Variants in CRYBG1 observed in about 807,000 individuals in gnomAD.
The protein encoded by CRYBG1 is crystallin beta-gamma domain containing 1, also known as beta/gamma crystallin domain-containing protein 1.
Under a neutral mutation model 189.2 loss-of-function variants are expected in CRYBG1, and 139 were observed. The ratio of observed to expected loss-of-function variants is 0.73; its 90% confidence interval spans 0.64 to 0.85. The LOEUF (loss-of-function observed/expected upper bound fraction) is 0.85. Among genes scored for constraint, CRYBG1 ranks in the 40% least tolerant of loss-of-function variants. The pLI is 0.00. For missense variants in CRYBG1, 2,611 were observed against 2,675.8 expected, an observed-to-expected ratio of 0.98 and a Z score of 0.53; for synonymous variants, 1,023 against 1,017.1, an observed-to-expected ratio of 1.01 and a Z score of -0.11.
intron 18 of CRYBG1, among the ~76,000 whole-genome samples, chr6:106,559,821 G>T (rs183005340): frequency 6.6e-6 from 1 of 151,998 alleles, no homozygotes; most frequent in Admixed American, 6.6e-5. Context: ...GAAGCTGGGC[G>T]CAGTGACTCA....
At position 106,512,753 on chromosome 6, in the gene CRYBG1, C is replaced by T. The variant is rs1488800762; in HGVS notation, c.1636C>T (p.Pro546Ser). Residue 546 changes from proline (P) to serine (S), a missense_variant, in exon 3 of 22, where the codon CCC (proline) becomes TCC (serine). By Grantham distance (74) the Pro-to-Ser change is moderately conservative. This residue lies in a region of CRYBG1 where 985 missense variants were observed against 924.4 expected (regional missense o/e 1.07). Transcript: ENST00000633556. The stretch of plus-strand genomic sequence containing the variant: ...CAAGGAGTCCCCACCCAAGAGGGTG[C>T]CCGATCCCAGCCCAGTCACCAAGGG... ...PAKESPPKRVPDPSPVTKGTA... is the reference protein window; with the variant it reads ...PAKESPPKRVSDPSPVTKGTA... 1.3e-6 allele frequency: 2 copies of T among 1,572,230 alleles called. No individual in the cohort carries two copies. Among genetic ancestry groups the T allele is most frequent in the Admixed American group, 1.8e-5 (1 of 54,836 alleles).
At chr6:106,500,433 C>CA (rs566538301) in intron 2 of CRYBG1, among the ~76,000 whole-genome samples, 83,545 of 144,714 alleles carry the variant, frequency 0.58, 25,986 homozygotes, top group African/African-American at 0.85. Context: ...AAAAAAAAAA[C>CA]AAAAAAAAAA....
intron 1 of CRYBG1, among the ~76,000 whole-genome samples, chr6:106,394,267 T>C (rs1049976826): frequency 5.3e-5 from 8 of 152,280 alleles, no homozygotes; most frequent in African/African-American, 1.9e-4. Flanking sequence ...TTTCCAAGGG[T>C]TCTGAAGGAA....
intron 1 of CRYBG1, among the ~76,000 whole-genome samples, chr6:106,410,098 G>A (rs1011488228): frequency 4.6e-5 from 7 of 152,118 alleles, no homozygotes; most frequent in Non-Finnish European, 1.0e-4. Flanking sequence ...CCTACAGAAT[G>A]GGAGAAAATT....
At chr6:106,413,820 T>C (rs1224355719) in intron 1 of CRYBG1, among the ~76,000 whole-genome samples, 1 of 152,208 alleles carries the variant, frequency 6.6e-6, no homozygotes, top group Admixed American at 6.5e-5. Context: ...TCTGAAAGTT[T>C]TTATTGCCCT....
At chr6:106,465,387 T>C (rs1422915018) in intron 2 of CRYBG1, among the ~76,000 whole-genome samples, 2 of 152,184 alleles carry the variant, frequency 1.3e-5, no homozygotes, top group Non-Finnish European at 2.9e-5. Context: ...AGCTTTTGTA[T>C]CTATAAAAGA....
intron 1 of CRYBG1, among the ~76,000 whole-genome samples, chr6:106,444,383 A>C (rs1272704789): frequency 6.6e-6 from 1 of 152,202 alleles, no homozygotes; most frequent in Non-Finnish European, 1.5e-5. Context: ...CACGCGTGAA[A>C]CACAATACTC....
At position 106,481,785 on chromosome 6, in the gene CRYBG1, C is replaced by T. The variant is rs117096080; in HGVS notation, c.313-29645C>T. 2.6e-5 allele frequency among the ~76,000 whole-genome samples: 4 copies of T among 152,244 alleles called. No individual in the cohort carries two copies. In the East Asian group the frequency reaches 7.7e-4, roughly 29 times the overall value. On this transcript the variant is annotated intron_variant, in intron 2 of 21. Coordinates refer to ENST00000633556, the MANE Select transcript of CRYBG1 (RefSeq NM_001371242.2). The stretch of plus-strand genomic sequence containing the variant: ...AGGCCGGCCTATCCCTCAGGCCCAT[C>T]AGGGTCCTTGCAGCACAGCCCTCTC...
intron 1 of CRYBG1, among the ~76,000 whole-genome samples, chr6:106,416,130 C>T (rs893911252): frequency 3.3e-5 from 5 of 152,166 alleles, no homozygotes; most frequent in African/African-American, 1.2e-4. Flanking sequence ...CAAAGTTCTC[C>T]TGGCAGGAAG....
rs199973523 is a variant in CRYBG1 at position 106,558,510 on chromosome 6, C to G, written c.5740C>G (p.Leu1914Val). The stretch of plus-strand genomic sequence containing the variant: ...GGAATTTTCTGAACCAACAATTATT[C>G]TCTTTGAAAGAGAAGACTTCAAAGG... ...DVEFSEPTIILFEREDFKGKK... is the reference protein window; with the variant it reads ...DVEFSEPTIIVFEREDFKGKK... The change falls in exon 18 of 22, where the codon CTC becomes GTC. Residue 1914 changes from leucine (L) to valine (V), a missense_variant. Leu to Val is a conservative substitution (Grantham distance 32, BLOSUM62 1). Around this residue, in one of 3 missense-constraint regions of CRYBG1, gnomAD observed 1,622 missense variants for 1,735.0 expected, o/e 0.93. Transcript: ENST00000633556. 2.5e-5 allele frequency: 40 copies of G among 1,602,648 alleles called. No homozygotes were observed. The highest frequency in any genetic ancestry group is 3.0e-5 in the Non-Finnish European group (35 of 1,173,050).
intron 2 of CRYBG1, among the ~76,000 whole-genome samples, chr6:106,500,605 A>G (rs1772987117): frequency 6.6e-6 from 1 of 152,028 alleles, no homozygotes; most frequent in Non-Finnish European, 1.5e-5. Context: ...TTTTCTCCCA[A>G]TCTATAGATT....
intron 13 of CRYBG1, among the ~76,000 whole-genome samples, chr6:106,547,235 C>T (rs1774285801): frequency 6.6e-6 from 1 of 151,888 alleles, no homozygotes; most frequent in East Asian, 1.9e-4. Flanking sequence ...AAATTCTTTG[C>T]ATATGGAAGG....
chr6:106,500,471 T>C (rs1323514615), intron 2 of CRYBG1, among the ~76,000 whole-genome samples: 1 of 152,194 alleles, frequency 6.6e-6, no homozygotes, highest in Non-Finnish European at 1.5e-5. Flanking sequence ...ATGTCTTCTT[T>C]TATGAAATGC....
chr6:106,414,353 T>G (rs1251142912), intron 1 of CRYBG1, among the ~76,000 whole-genome samples: 1 of 152,266 alleles, frequency 6.6e-6, no homozygotes, highest in Non-Finnish European at 1.5e-5. Context: ...GGATTGGCCT[T>G]GGCCAGAGGA....
At chr6:106,394,130 C>T (rs961023739) in intron 1 of CRYBG1, among the ~76,000 whole-genome samples, 1 of 152,190 alleles carries the variant, frequency 6.6e-6, no homozygotes, top group Non-Finnish European at 1.5e-5. Context: ...ATCTAGGCTG[C>T]AAAGCTTTAG....
chr6:106,421,692 A>G (rs1474066898), intron 1 of CRYBG1, among the ~76,000 whole-genome samples: 5 of 151,940 alleles, frequency 3.3e-5, no homozygotes, highest in Admixed American at 3.3e-4. Flanking sequence ...CTGCTCTCAC[A>G]TTGTCCATTT....
At position 106,553,476 on chromosome 6, in the gene CRYBG1, C is replaced by T; in HGVS notation, c.5494C>T (p.Gln1832Ter). The T allele has an allele frequency of 6.2e-7, 1 of 1,612,368 alleles. No homozygotes were observed. Among genetic ancestry groups the T allele is most frequent in the Non-Finnish European group, 8.5e-7 (1 of 1,178,550 alleles). Residue 1832 changes from glutamine to a stop codon, truncating the protein, a stop_gained, in exon 16 of 22, where the codon CAG (glutamine) becomes TAG (stop). Transcript: ENST00000633556. LOFTEE classifies it high-confidence loss of function. ...AAAGATTCACTTGTTTTCAGAACCA[C>T]AGTTTCAAGGTCACAGTCAAAGTTT... Reference protein sequence around the residue: ...RNQIHLFSEPQFQGHSQSFEE... With the variant: ...RNQIHLFSEP
intron 1 of CRYBG1, among the ~76,000 whole-genome samples, chr6:106,375,183 G>T (rs1004468859): frequency 2.0e-5 from 3 of 151,348 alleles, no homozygotes; most frequent in Non-Finnish European, 4.4e-5. Context: ...CAAAATTTGA[G>T]ACCAGCCTGG....
rs773458592 is a variant in CRYBG1 at position 106,525,307 on chromosome 6, A to C, written c.4333A>C (p.Ile1445Leu). Residue 1445 changes from isoleucine (I) to leucine (L), a missense_variant, in exon 6 of 22, where the codon ATT (isoleucine) becomes CTT (leucine). By Grantham distance (5) the Ile-to-Leu change is conservative (BLOSUM62 2). This residue lies in a region of CRYBG1 where 1,622 missense variants were observed against 1,735.0 expected (regional missense o/e 0.93). Transcript: ENST00000633556. Reference sequence around the variant, plus strand: ...TGAACCCGACGTCTCTGAGAAGTGCATTGAAGTTTTCAGTGACATTCAGGA... The same window carrying C: ...TGAACCCGACGTCTCTGAGAAGTGCCTTGAAGTTTTCAGTGACATTCAGGA... ...YSEPDVSEKC[I>L]EVFSDIQDCS... The C allele has an allele frequency of 7.4e-6, 12 of 1,614,056 alleles. No individual in the cohort carries two copies. The highest frequency in any genetic ancestry group is 4.2e-6 in the Non-Finnish European group (5 of 1,180,024).
Sources: allele counts gnomAD v4.1 joint callset (sites outside exome capture counted in the v4.1 genomes callset), GRCh38; gene constraint gnomAD v4.1.1; regional missense constraint gnomAD v4.1.1; transcripts MANE v1.5; gene names NCBI Gene and HGNC (gene_info 2026-07-23, HGNC 2026-07-21).